CCDC85A: variants seen among roughly 807,000 people sequenced by gnomAD.
The protein encoded by CCDC85A is coiled-coil domain containing 85A, also known as coiled-coil domain-containing protein 85A.
Under a neutral mutation model 50.2 loss-of-function variants are expected in CCDC85A, and 38 were observed. The ratio of observed to expected loss-of-function variants is 0.76; its 90% CI spans 0.58 to 0.99. CCDC85A has a LOEUF of 0.99. CCDC85A is among the 50% of genes least tolerant of loss of function. The pLI is 0.00. For missense variants in CCDC85A, 820 were observed against 742.0 expected, an observed-to-expected ratio of 1.11 and a Z score of -1.22; for synonymous variants, 366 against 301.4, an observed-to-expected ratio of 1.21 and a Z score of -2.22.
intron 2 of CCDC85A, among the ~76,000 whole-genome samples, chr2:56,304,781 G>T (rs565575493): frequency 2.0e-5 from 3 of 151,978 alleles, no homozygotes; most frequent in Non-Finnish European, 1.5e-5. Flanking sequence ...GGGCGCAGCG[G>T]CTCACACCTG....
At chr2:56,221,768 C>A (rs1668337659) in intron 2 of CCDC85A, among the ~76,000 whole-genome samples, 1 of 152,040 alleles carries the variant, frequency 6.6e-6, no homozygotes, top group Non-Finnish European at 1.5e-5. Context: ...AAATTTCTCA[C>A]CCCACATTTA....
intron 2 of CCDC85A, among the ~76,000 whole-genome samples, chr2:56,334,598 C>G (rs564858019): frequency 4.3e-4 from 66 of 152,206 alleles, no homozygotes; most frequent in African/African-American, 1.5e-3. Flanking sequence ...AGGGATCAGC[C>G]TAACAATATA....
At chr2:56,218,328 TA>T (rs1668175020) in intron 2 of CCDC85A, among the ~76,000 whole-genome samples, 1 of 151,800 alleles carries the variant, frequency 6.6e-6, no homozygotes, top group African/African-American at 2.4e-5. Flanking sequence ...TTTTTTTAAA[TA>T]AAAAATAACC....
At chr2:56,350,515 A>G (rs1324675273) in intron 3 of CCDC85A, among the ~76,000 whole-genome samples, 1 of 152,196 alleles carries the variant, frequency 6.6e-6, no homozygotes, top group Non-Finnish European at 1.5e-5. Context: ...AACATTGTAT[A>G]GTGTTAGATT....
intron 5 of CCDC85A, chr2:56,379,620 G>A (rs74793757): frequency 0.09 from 13,932 of 154,790 alleles, 651 homozygotes; most frequent in African/African-American, 0.11. Flanking sequence ...GTTTCCATAT[G>A]CTAATCCACT....
At chr2:56,259,364 C>T (rs1249513271) in intron 2 of CCDC85A, among the ~76,000 whole-genome samples, 1 of 152,152 alleles carries the variant, frequency 6.6e-6, no homozygotes, top group Non-Finnish European at 1.5e-5. Flanking sequence ...GACCAAGGAG[C>T]CAATGGGCCC....
intron 2 of CCDC85A, among the ~76,000 whole-genome samples, chr2:56,194,693 A>G (rs1341699596): frequency 6.6e-6 from 1 of 152,254 alleles, no homozygotes; most frequent in African/African-American, 2.4e-5. Context: ...TTTTAAGCAC[A>G]AGTGGAAATA....
intron 2 of CCDC85A, among the ~76,000 whole-genome samples, chr2:56,199,994 G>T (rs1305424336): frequency 6.6e-6 from 1 of 152,174 alleles, no homozygotes; most frequent in African/African-American, 2.4e-5. Flanking sequence ...TCAGCTTCCT[G>T]AGTAGCTGGG....
At chr2:56,328,523 G>C (rs923753762) in intron 2 of CCDC85A, among the ~76,000 whole-genome samples, 1 of 151,976 alleles carries the variant, frequency 6.6e-6, no homozygotes, top group African/African-American at 2.4e-5. Flanking sequence ...CAAGACTGCC[G>C]GTCTCTTCTC....
intron 2 of CCDC85A, among the ~76,000 whole-genome samples, chr2:56,259,417 T>C (rs946229355): frequency 2.6e-5 from 4 of 152,076 alleles, no homozygotes; most frequent in African/African-American, 9.7e-5. Context: ...CTCCAGTGCC[T>C]CCCTCGCTGG....
chr2:56,266,952 C>T (rs149913321), intron 2 of CCDC85A, among the ~76,000 whole-genome samples: 5 of 152,132 alleles, frequency 3.3e-5, no homozygotes, highest in African/African-American at 9.7e-5. Flanking sequence ...AGCTGCCAGA[C>T]CCATTCCCTA....
chr2:56,281,144 A>G (rs1489396892), intron 2 of CCDC85A, among the ~76,000 whole-genome samples: 1 of 152,172 alleles, frequency 6.6e-6, no homozygotes, highest in East Asian at 1.9e-4. Context: ...TATATCACAT[A>G]CATTAGTTTT....
intron 2 of CCDC85A, among the ~76,000 whole-genome samples, chr2:56,210,985 G>A (rs977887938): frequency 2.0e-5 from 3 of 152,178 alleles, no homozygotes; most frequent in Non-Finnish European, 4.4e-5. Context: ...TAGGGGACAA[G>A]CATGTTTTCA....
rs76567799 is a variant in CCDC85A, at chr2:56,346,397, C to A, written c.1317+3442C>A. Among the ~76,000 whole-genome samples the A allele has an allele frequency of 9.9e-3, 1,513 of 152,238 alleles. 31 individuals are homozygous for A. The highest frequency in any genetic ancestry group is 0.033 in the African/African-American group (1,389 of 41,552). ...ATACATATACAAAATGTTCAAGTCC[C>A]AGAATGAAGGACTCTTTCACAGATA... is the stretch of plus-strand genomic sequence containing the variant. On this transcript the variant is annotated intron_variant, in intron 3 of 5. Transcript: ENST00000407595.
At chr2:56,355,912 A>T (rs1439660216) in intron 3 of CCDC85A, among the ~76,000 whole-genome samples, 1 of 152,220 alleles carries the variant, frequency 6.6e-6, no homozygotes, top group Non-Finnish European at 1.5e-5. Flanking sequence ...ACCCAGGACC[A>T]GATGGGAGCC....
intron 5 of CCDC85A, among the ~76,000 whole-genome samples, chr2:56,380,204 A>G (rs1676518615): frequency 1.3e-5 from 2 of 152,296 alleles, no homozygotes; most frequent in African/African-American, 2.4e-5. Flanking sequence ...TTAAAAACCT[A>G]TGATAAAGAA....
At chr2:56,225,133 A>G (rs1668489945) in intron 2 of CCDC85A, among the ~76,000 whole-genome samples, 1 of 150,970 alleles carries the variant, frequency 6.6e-6, no homozygotes, top group Non-Finnish European at 1.5e-5. Flanking sequence ...TTGTGTGTGG[A>G]TATCCAGTTG....
chr2:56,281,219 A>G (rs1191401956), intron 2 of CCDC85A, among the ~76,000 whole-genome samples: 1 of 152,186 alleles, frequency 6.6e-6, no homozygotes, highest in African/African-American at 2.4e-5. Context: ...GGATTCTTTC[A>G]CTGAACATAA....
At chr2:56,380,028 A>T (rs527467918) in intron 5 of CCDC85A, among the ~76,000 whole-genome samples, 1 of 152,172 alleles carries the variant, frequency 6.6e-6, no homozygotes, top group Non-Finnish European at 1.5e-5. Context: ...TAATACAATC[A>T]TGTTACAGAA....
Sources: allele counts gnomAD v4.1 joint callset (sites outside exome capture counted in the v4.1 genomes callset), GRCh38; gene constraint gnomAD v4.1.1; transcripts MANE v1.5; gene names NCBI Gene and HGNC (gene_info 2026-07-23, HGNC 2026-07-21).